GAREM1: variants seen among roughly 807,000 people sequenced by gnomAD.
GAREM1 encodes the protein GRB2-associated and regulator of MAPK protein 1.
A neutral mutation model predicts 71.3 loss-of-function variants in GAREM1; 26 were observed. That is an observed-to-expected ratio of 0.36 (90% CI 0.27 to 0.51). The LOEUF is 0.51. Ranked by LOEUF, GAREM1 falls within the 20% of genes least tolerant of loss-of-function variation. The pLI is 0.95. For missense variants in GAREM1, 1,026 were observed against 1,103.1 expected, an observed-to-expected ratio of 0.93 and a Z score of 0.99; for synonymous variants, 440 against 433.2, an observed-to-expected ratio of 1.02 and a Z score of -0.20.
At chr18:32,397,407 C>T (rs1439256803) in intron 1 of GAREM1, among the ~76,000 whole-genome samples, 1 of 152,070 alleles carries the variant, frequency 6.6e-6, no homozygotes, top group African/African-American at 2.4e-5. Context: ...ACAGGAGACC[C>T]ATCTCACATG....
In GAREM1 at chr18:32,470,721, G is replaced by A. The variant is rs2049046697; in HGVS notation, c.-293C>T. Reference sequence around the variant, plus strand: ...GGCGGCGGCGGCGGCCCGGGTGGCTGCGGCGGCTCCCGCTCCGCCTCCTCC... The same window carrying A: ...GGCGGCGGCGGCGGCCCGGGTGGCTACGGCGGCTCCCGCTCCGCCTCCTCC... On this transcript the variant is annotated 5_prime_UTR_variant, in exon 1 of 6. Coordinates refer to ENST00000269209, the MANE Select transcript of GAREM1 (RefSeq NM_001242409.2). This position sits in a 1 kb window ranked among gnomAD's most constrained non-coding sequence, Gnocchi z 4.4. 1.3e-5 allele frequency among the ~76,000 whole-genome samples: 2 copies of A among 149,512 alleles called. No individual in the cohort carries two copies. The highest frequency in any genetic ancestry group is 1.3e-4 in the Admixed American group (2 of 15,028).
intron 1 of GAREM1, among the ~76,000 whole-genome samples, chr18:32,468,960 T>TTCC (rs2049023776): frequency 3.7e-5 from 3 of 82,162 alleles, no homozygotes; most frequent in Admixed American, 1.3e-4. Context: ...CACCTGTGCG[T>TTCC]CCCCCCCCCC....
intron 2 of GAREM1, among the ~76,000 whole-genome samples, chr18:32,389,091 A>T (rs141313053): frequency 2.7e-4 from 41 of 152,320 alleles, no homozygotes; most frequent in African/African-American, 9.9e-4. Flanking sequence ...ATGATAAAAA[A>T]CAAATGTGGC....
intron 2 of GAREM1, among the ~76,000 whole-genome samples, chr18:32,338,714 T>C (rs1449798615): frequency 1.3e-5 from 2 of 152,212 alleles, no homozygotes; most frequent in Non-Finnish European, 2.9e-5. Flanking sequence ...CCATCTTTTC[T>C]AGACCTGCAG....
intron 1 of GAREM1, among the ~76,000 whole-genome samples, chr18:32,460,116 A>T (rs988010276): frequency 5.5e-4 from 42 of 75,868 alleles, no homozygotes; most frequent in African/African-American, 2.9e-3. Flanking sequence ...CATCTTATTT[A>T]AAAAAAAAAA....
At chr18:32,314,071 A>T (rs181089095) in intron 2 of GAREM1, among the ~76,000 whole-genome samples, 53 of 151,278 alleles carry the variant, frequency 3.5e-4, no homozygotes, top group African/African-American at 1.2e-3. Context: ...GTTACAGTAC[A>T]TACTTTTTGA....
intron 1 of GAREM1, among the ~76,000 whole-genome samples, chr18:32,398,687 C>T (rs981042224): frequency 6.6e-6 from 1 of 151,980 alleles, no homozygotes; most frequent in African/African-American, 2.4e-5. Flanking sequence ...AGCTTACCAA[C>T]CAAAAAAAGT....
At chr18:32,380,054 C>T (rs142962252) in intron 2 of GAREM1, among the ~76,000 whole-genome samples, 1 of 152,172 alleles carries the variant, frequency 6.6e-6, no homozygotes, top group Admixed American at 6.5e-5. Context: ...ATTGCTCCCC[C>T]CTGAATTTTT....
intron 2 of GAREM1, among the ~76,000 whole-genome samples, chr18:32,392,480 T>G (rs1310251881): frequency 6.6e-6 from 1 of 152,174 alleles, no homozygotes; most frequent in Non-Finnish European, 1.5e-5. Context: ...AATCCAATAC[T>G]TTTAAACCCA....
chr18:32,352,773 A>G (rs2047764653), intron 2 of GAREM1, among the ~76,000 whole-genome samples: 1 of 152,148 alleles, frequency 6.6e-6, no homozygotes, highest in Non-Finnish European at 1.5e-5. Context: ...AAGAATCTCC[A>G]TGGAAGAAGG....
chr18:32,441,144 G>A (rs2048732735), intron 1 of GAREM1, among the ~76,000 whole-genome samples: 2 of 152,168 alleles, frequency 1.3e-5, no homozygotes, highest in African/African-American at 4.8e-5. Flanking sequence ...TATGTTTTGA[G>A]AGGGAAACAG....
At chr18:32,435,792 G>A (rs1397069844) in intron 1 of GAREM1, among the ~76,000 whole-genome samples, 1 of 152,196 alleles carries the variant, frequency 6.6e-6, no homozygotes, top group African/African-American at 2.4e-5. Context: ...AGGGGTGAAA[G>A]GCAGGTGAGA....
chr18:32,359,971 A>G (rs1414803704), intron 2 of GAREM1, among the ~76,000 whole-genome samples: 1 of 151,876 alleles, frequency 6.6e-6, no homozygotes, highest in Non-Finnish European at 1.5e-5. Context: ...TGAATAAATA[A>G]AAAGAATCAC....
intron 2 of GAREM1, among the ~76,000 whole-genome samples, chr18:32,392,209 T>C (rs1408187564): frequency 6.6e-5 from 10 of 152,104 alleles, no homozygotes; most frequent in Admixed American, 1.3e-4. Flanking sequence ...ATAAGTTTTT[T>C]TTTTTAATGG....
intron 2 of GAREM1, among the ~76,000 whole-genome samples, chr18:32,349,754 C>T (rs1457879026): frequency 1.3e-5 from 2 of 152,134 alleles, no homozygotes; most frequent in East Asian, 1.9e-4. Flanking sequence ...CAAAATGTAT[C>T]GTGTGGGCTT....
At chr18:32,436,007 T>G (rs2048673635) in intron 1 of GAREM1, among the ~76,000 whole-genome samples, 2 of 152,168 alleles carry the variant, frequency 1.3e-5, no homozygotes, top group African/African-American at 4.8e-5. Flanking sequence ...TCTCTATATT[T>G]ACTGCATCTG....
intron 1 of GAREM1, among the ~76,000 whole-genome samples, chr18:32,455,937 T>G (rs2048882818): frequency 6.6e-6 from 1 of 152,044 alleles, no homozygotes; most frequent in Admixed American, 6.6e-5. Flanking sequence ...AATAAACAGG[T>G]CTTTGAATAA....
chr18:32,307,228 C>G (rs1444997153), intron 3 of GAREM1, among the ~76,000 whole-genome samples: 1 of 151,814 alleles, frequency 6.6e-6, no homozygotes, highest in Non-Finnish European at 1.5e-5. Flanking sequence ...ATAATAATGT[C>G]TTGATTATCA....
At chr18:32,453,026 C>T (rs1020999459) in intron 1 of GAREM1, among the ~76,000 whole-genome samples, 4 of 151,910 alleles carry the variant, frequency 2.6e-5, no homozygotes, top group African/African-American at 4.8e-5. Flanking sequence ...AAGACATACC[C>T]GAGACTGGGT....
Sources: gnomAD v4.1 joint callset for allele counts (sites outside exome capture counted in the v4.1 genomes callset) on GRCh38, gnomAD v4.1.1 for gene constraint, Gnocchi (gnomAD v3.1) non-coding constraint, MANE v1.5 for transcripts, NCBI Gene and HGNC (gene_info 2026-07-23, HGNC 2026-07-21) for gene names.